Variants in ZMPSTE24 observed in about 807,000 individuals in gnomAD.
ZMPSTE24 encodes the protein CAAX prenyl protease 1 homolog.
In ZMPSTE24, 48 loss-of-function variants were observed where a neutral mutation model predicts 56.7. The ratio of observed to expected loss-of-function variants is 0.85; its 90% CI spans 0.67 to 1.08. ZMPSTE24 has a LOEUF of 1.08. Ranked by LOEUF, ZMPSTE24 falls within the 50% of genes least tolerant of loss-of-function variation. The pLI, the probability that ZMPSTE24 is intolerant of heterozygous loss-of-function variation, is 0.00. For missense variants in ZMPSTE24, 503 were observed against 548.7 expected, an observed-to-expected ratio of 0.92 and a Z score of 0.83; for synonymous variants, 172 against 195.2, an observed-to-expected ratio of 0.88 and a Z score of 0.99.
chr1:40,284,717 A>T (rs978786674), intron 7 of ZMPSTE24, among the ~76,000 whole-genome samples: 3 of 152,164 alleles, frequency 2.0e-5, no homozygotes, highest in African/African-American at 7.2e-5. Context: ...GTGCCGTTGC[A>T]CTCCAGCTTG....
chr1:40,273,892 T>A (rs1256085813), intron 6 of ZMPSTE24, among the ~76,000 whole-genome samples: 1 of 152,030 alleles, frequency 6.6e-6, no homozygotes, highest in East Asian at 1.9e-4. Flanking sequence ...ATATCGGTGC[T>A]ATTTTCTTTT....
chr1:40,290,499 T>G, intron 8 of ZMPSTE24: 1 of 142,302 alleles, frequency 7.0e-6, no homozygotes, highest in South Asian at 1.6e-4. Flanking sequence ...CTCACTCTGT[T>G]GCCCAGGCTG....
intron 8 of ZMPSTE24, chr1:40,290,611 C>T: frequency 2.6e-6 from 1 of 385,990 alleles, no homozygotes; most frequent in Non-Finnish European, 4.9e-6. Context: ...CAGGCATCCG[C>T]CACCACGTCC....
In ZMPSTE24 at chr1:40,281,453, A is replaced by C. The variant is rs1643729023; in HGVS notation, c.880A>C (p.Ile294Leu). The part of the protein sequence containing the change: ...LEEYSVLNKD[I>L]QEDSGMEPRN... ...AGAGTACTCTGTACTAAACAAAGAC[A>C]TCCAGGAGGATTCTGGCATGGAACC... is the stretch of plus-strand genomic sequence containing the variant. Residue 294 changes from isoleucine (I) to leucine (L), a missense_variant, in exon 7 of 10, where the codon ATC becomes CTC. Ile to Leu is a conservative substitution (Grantham distance 5, BLOSUM62 2). Transcript: ENST00000372759. The C allele has an allele frequency of 6.2e-7, 1 of 1,614,186 alleles. No individual in the cohort carries two copies. Among genetic ancestry groups the C allele is most frequent in the East Asian group, 2.2e-5 (1 of 44,868 alleles).
intron 3 of ZMPSTE24, 125 bp from the exon 4 acceptor site, chr1:40,268,294 C>T: frequency 1.3e-6 from 1 of 756,586 alleles, no homozygotes; most frequent in Non-Finnish European, 2.4e-6. Flanking sequence ...ATATTTCAGA[C>T]CTTATGTTAT....
At chr1:40,291,196 C>T (rs1418788865) in intron 9 of ZMPSTE24, among the ~76,000 whole-genome samples, 199 bp downstream of exon 9, 1 of 152,180 alleles carries the variant, frequency 6.6e-6, no homozygotes, top group Non-Finnish European at 1.5e-5. Flanking sequence ...CGTTTGCATA[C>T]TCTTAGGAAA....
rs376679560 is a variant in ZMPSTE24, at chr1:40,291,154, G to C, written c.1203+157G>C. Among the ~76,000 whole-genome samples, 5 of 152,208 alleles carry C rather than the reference G, an allele frequency of 3.3e-5. No homozygotes were observed. The East Asian group carries it at 5.8e-4, about 18-fold the overall frequency. The stretch of plus-strand genomic sequence containing the variant: ...CTGATTCACTGGTCAGTATGACAAA[G>C]TAGCAGAAAAATTCAAGCCCAAATA... On this transcript the variant is annotated intron_variant, in intron 9 of 9. Transcript: ENST00000372759.
At chr1:40,290,548 C>T (rs1473329601) in intron 8 of ZMPSTE24, 3 of 279,754 alleles carry the variant, frequency 1.1e-5, no homozygotes, top group Admixed American at 5.5e-5. Flanking sequence ...GCAAGCTCCG[C>T]CTCCCGGGTT....
rs2124005432 is a variant in ZMPSTE24, at chr1:40,292,575, T to C, written c.1334T>C (p.Phe445Ser). 6.2e-7 allele frequency: 1 copy of C among 1,614,134 alleles called. No individual in the cohort carries two copies. The highest frequency in any genetic ancestry group is 8.5e-7 in the Non-Finnish European group (1 of 1,180,010). ...AAACTTAACAAAGATAACTTGGGATTCCCTGTTTCTGACTGGTTGTTCTCA... is the reference window on the plus strand; with the variant it reads ...AAACTTAACAAAGATAACTTGGGATCCCCTGTTTCTGACTGGTTGTTCTCA... ...LIKLNKDNLG[F>S]PVSDWLFSMW... Residue 445 changes from phenylalanine to serine, a missense_variant, in exon 10 of 10, where the codon TTC becomes TCC. By Grantham distance (155) the Phe-to-Ser change is radical. Coordinates refer to ENST00000372759, the MANE Select transcript of ZMPSTE24 (RefSeq NM_005857.5).
Position 40,281,480 on chromosome 1 carries a change from C to T in ZMPSTE24, c.907C>T (p.Arg303Cys), listed in dbSNP as rs775139554. The T allele has an allele frequency of 1.7e-5, 27 of 1,613,934 alleles. No homozygotes were observed. Among genetic ancestry groups the T allele is most frequent in the East Asian group, 4.5e-5 (2 of 44,872 alleles). Residue 303 changes from arginine (R) to cysteine (C), a missense_variant, in exon 7 of 10, where the codon CGC (arginine) becomes TGC (cysteine). Physicochemically the swap from Arg to Cys is radical, Grantham distance 180. Coordinates refer to ENST00000372759, the MANE Select transcript of ZMPSTE24 (RefSeq NM_005857.5). ...CCAGGAGGATTCTGGCATGGAACCC[C>T]GCAATGAGGAAGAAGGGAACAGTGA... ...DIQEDSGMEP[R>C]NEEEGNSEEI... is the part of the protein sequence containing the mutation.
At position 40,290,884 on chromosome 1, in the gene ZMPSTE24, G is replaced by C. The variant is rs747662954; in HGVS notation, c.1090G>C (p.Ala364Pro). The C allele has an allele frequency of 6.2e-7, 1 of 1,611,992 alleles. No individual in the cohort carries two copies. The highest frequency in any genetic ancestry group is 1.1e-5 in the South Asian group (1 of 90,844). Residue 364 changes from alanine to proline, a missense_variant, in exon 9 of 10, where the codon GCT becomes CCT. Coordinates refer to ENST00000372759, the MANE Select transcript of ZMPSTE24 (RefSeq NM_005857.5). ...MNSFLCFFLF[A>P]VLIGRKELFA... Reference sequence around the variant, plus strand: ...TTCTTTCCTGTGTTTTTTTTTATTTGCTGTATTAATTGGTCGAAAGGAGCT... The same window carrying C: ...TTCTTTCCTGTGTTTTTTTTTATTTCCTGTATTAATTGGTCGAAAGGAGCT...
intron 2 of ZMPSTE24, among the ~76,000 whole-genome samples, chr1:40,261,962 G>T (rs948096341): frequency 1.3e-5 from 2 of 152,110 alleles, no homozygotes; most frequent in Non-Finnish European, 2.9e-5. Context: ...GCCTGCCTTG[G>T]CCTCCCAAAG....
chr1:40,270,126 T>C lies in ZMPSTE24; in HGVS notation c.626T>C (p.Leu209Pro). Reference sequence around the variant, plus strand: ...TGGCTGTTCACATTAGTTGTGTCTCTGGTGAGTAAAATCTTTATTTCGTTT... The same window carrying C: ...TGGCTGTTCACATTAGTTGTGTCTCCGGTGAGTAAAATCTTTATTTCGTTT... Reference protein sequence around the residue: ...YAWLFTLVVSLVLVTIYADYI... With the variant: ...YAWLFTLVVSPVLVTIYADYI... The change falls in exon 5 of 10, where the codon CTG (leucine) becomes CCG (proline). Residue 209 changes from leucine (L) to proline (P), a missense_variant and splice_region_variant. Transcript: ENST00000372759. The C allele has an allele frequency of 6.2e-7, 1 of 1,613,948 alleles. No individual in the cohort carries two copies. The highest frequency in any genetic ancestry group is 1.1e-5 in the South Asian group (1 of 91,082).
chr1:40,280,349 T>C (rs1414135923), intron 6 of ZMPSTE24, among the ~76,000 whole-genome samples: 1 of 152,216 alleles, frequency 6.6e-6, no homozygotes, highest in Non-Finnish European at 1.5e-5. Flanking sequence ...AAATGCGTTG[T>C]TGATGTTGCG....
chr1:40,285,105 A>G (rs1237208733), intron 7 of ZMPSTE24, among the ~76,000 whole-genome samples: 1 of 148,956 alleles, frequency 6.7e-6, no homozygotes, highest in Non-Finnish European at 1.5e-5. Context: ...TATTATTATT[A>G]TTATTATTAT....
At chr1:40,262,750 ATT>A in intron 2 of ZMPSTE24, 1 of 1,014,292 alleles carries the variant, frequency 9.9e-7, no homozygotes, top group Non-Finnish European at 1.2e-6. Flanking sequence ...TGGTAAGTGT[ATT>A]TGCCTCTTCT....
chr1:40,270,797 C>T (rs1204527163), intron 5 of ZMPSTE24, among the ~76,000 whole-genome samples: 2 of 152,056 alleles, frequency 1.3e-5, no homozygotes, highest in Non-Finnish European at 2.9e-5. Flanking sequence ...AAGTGCTTCA[C>T]AACACAAACA....
intron 6 of ZMPSTE24, among the ~76,000 whole-genome samples, chr1:40,277,913 G>A (rs1290313960): frequency 1.4e-5 from 2 of 138,578 alleles, no homozygotes. Flanking sequence ...AGGCTGCAGT[G>A]AGCAGAGATC....
At chr1:40,271,125 C>T (rs1202722590) in intron 5 of ZMPSTE24, among the ~76,000 whole-genome samples, 1 of 152,182 alleles carries the variant, frequency 6.6e-6, no homozygotes, top group African/African-American at 2.4e-5. Flanking sequence ...ATTTCACAGG[C>T]ATGATCATAG....
Sources: gnomAD v4.1 joint callset for allele counts (sites outside exome capture counted in the v4.1 genomes callset) on GRCh38, gnomAD v4.1.1 for gene constraint, MANE v1.5 for transcripts, NCBI Gene and HGNC (gene_info 2026-07-23, HGNC 2026-07-21) for gene names.